TCF7L2: variants seen among roughly 807,000 people sequenced by gnomAD.
TCF7L2 encodes transcription factor 7-like 2.
A neutral mutation model predicts 77.9 loss-of-function variants in TCF7L2; 23 were observed. The ratio of observed to expected loss-of-function variants is 0.30; its 90% CI spans 0.21 to 0.42. TCF7L2 has a LOEUF of 0.42. TCF7L2 is among the 10% of genes least tolerant of loss of function. The pLI is 1.00. For missense variants in TCF7L2, 654 were observed against 793.1 expected, an observed-to-expected ratio of 0.82 and a Z score of 2.11; for synonymous variants, 413 against 340.2, an observed-to-expected ratio of 1.21 and a Z score of -2.36.
At chr10:113,009,522 A>G (rs1386865374) in intron 4 of TCF7L2, among the ~76,000 whole-genome samples, 1 of 152,192 alleles carries the variant, frequency 6.6e-6, no homozygotes, top group African/African-American at 2.4e-5. Context: ...ATTCTCAGAA[A>G]ACACAATATG....
chr10:113,116,730 C>G (rs1028388930), intron 5 of TCF7L2, among the ~76,000 whole-genome samples: 5 of 137,296 alleles, frequency 3.6e-5, no homozygotes, highest in Admixed American at 3.2e-4. Context: ...TAAAATAGAT[C>G]CATAGATAAT....
At chr10:113,131,544 A>G (rs1281447239) in intron 5 of TCF7L2, among the ~76,000 whole-genome samples, 1 of 152,210 alleles carries the variant, frequency 6.6e-6, no homozygotes, top group Admixed American at 6.5e-5. Flanking sequence ...GTTACTTAAT[A>G]GTGGTCCTGT....
intron 4 of TCF7L2, among the ~76,000 whole-genome samples, chr10:113,011,842 C>T (rs904865571): frequency 2.0e-5 from 3 of 151,086 alleles, no homozygotes; most frequent in African/African-American, 7.3e-5. Context: ...TGAGTATTAC[C>T]ACCTTGAGTT....
chr10:113,065,059 G>A lies in TCF7L2; in HGVS notation c.552+24933G>A, dbSNP rs1326603820. Among the ~76,000 whole-genome samples, 6 of 152,274 alleles carry A rather than the reference G, an allele frequency of 3.9e-5. No homozygotes were observed. The East Asian group carries it at 7.7e-4, about 20-fold the overall frequency. ...TCATCCCATTCCATAGGGAAAAAAGGGCCAGGTTCCCTGACTCCACCTGTC... is the reference window on the plus strand; with the variant it reads ...TCATCCCATTCCATAGGGAAAAAAGAGCCAGGTTCCCTGACTCCACCTGTC... On this transcript the variant is annotated intron_variant, in intron 5 of 13. Coordinates refer to ENST00000627217, the MANE Select transcript of TCF7L2 (RefSeq NM_001146274.2).
At chr10:113,129,881 C>T (rs1294550975) in intron 5 of TCF7L2, 1 of 1,290,146 alleles carries the variant, frequency 7.8e-7, no homozygotes, top group East Asian at 5.5e-5. Context: ...CCTAGGGACA[C>T]AATTTTAGTG....
At chr10:113,117,561 G>A (rs1041517185) in intron 5 of TCF7L2, among the ~76,000 whole-genome samples, 7 of 152,038 alleles carry the variant, frequency 4.6e-5, no homozygotes, top group Middle Eastern at 6.3e-3. Context: ...GCTAGGAGAA[G>A]GCAAGGTATT....
chr10:112,985,453 A>T (rs1243779696), intron 4 of TCF7L2, among the ~76,000 whole-genome samples: 3 of 151,974 alleles, frequency 2.0e-5, no homozygotes, highest in Non-Finnish European at 4.4e-5. Context: ...AAACACATAC[A>T]TTGATTTTCT....
chr10:113,165,132 C>A (rs149973845), intron 13 of TCF7L2, among the ~76,000 whole-genome samples: 2 of 152,082 alleles, frequency 1.3e-5, no homozygotes, highest in African/African-American at 2.4e-5. Flanking sequence ...AGTGAAGGGC[C>A]GAGGAAACTT....
At chr10:112,987,776 G>A in intron 4 of TCF7L2, 1 of 163,846 alleles carries the variant, frequency 6.1e-6, no homozygotes, top group Non-Finnish European at 1.3e-5. Context: ...CAGCTGGCCT[G>A]CATTGTGCTG....
chr10:113,128,589 G>A (rs2066044145), intron 5 of TCF7L2, among the ~76,000 whole-genome samples: 1 of 152,168 alleles, frequency 6.6e-6, no homozygotes, highest in Admixed American at 6.5e-5. Flanking sequence ...TGTGGCAGCA[G>A]GGGTGTTTTC....
chr10:113,073,016 A>G (rs576263788), intron 5 of TCF7L2, among the ~76,000 whole-genome samples: 1 of 151,748 alleles, frequency 6.6e-6, no homozygotes, highest in African/African-American at 2.4e-5. Flanking sequence ...TAGAGCAACT[A>G]TGCTGTTCAT....
chr10:113,165,246 C>T (rs1468259989), intron 13 of TCF7L2, among the ~76,000 whole-genome samples: 1 of 152,142 alleles, frequency 6.6e-6, no homozygotes, highest in Non-Finnish European at 1.5e-5. Context: ...TGCAGGTGGC[C>T]GCCTCCATGC....
intron 1 of TCF7L2, 85 bp downstream of exon 1, chr10:112,951,030 T>G (rs2030835935): frequency 8.9e-6 from 13 of 1,461,218 alleles, no homozygotes; most frequent in Admixed American, 5.0e-5. Context: ...AAATCGGGGC[T>G]GGGGGCGGCG....
At chr10:113,039,235 TCTCACTGAAAGCTAATTGATCGCTTTTGA>T (rs1204093684) in intron 4 of TCF7L2, among the ~76,000 whole-genome samples, 1 of 152,220 alleles carries the variant, frequency 6.6e-6, no homozygotes, top group Non-Finnish European at 1.5e-5. Flanking sequence ...ATCGTTCAAA[TCTCACTGAAAGCTAATTGATCGCTTTTGA>T]CAGAAGTAGC....
chr10:113,006,508 A>G lies in TCF7L2; in HGVS notation c.451-33517A>G, dbSNP rs376455334. 7.2e-5 allele frequency among the ~76,000 whole-genome samples: 11 copies of G among 152,234 alleles called. No homozygotes were observed. The East Asian group carries it at 7.7e-4, about 11-fold the overall frequency. On this transcript the variant is annotated intron_variant, in intron 4 of 13. Coordinates refer to ENST00000627217, the MANE Select transcript of TCF7L2 (RefSeq NM_001146274.2). ...TACAGCAAAGTGCGCAGACCTAGGT[A>G]TCTAGGACTGTGAGGTTTTCCTGTG...
At chr10:113,100,463 A>G (rs1318401150) in intron 5 of TCF7L2, among the ~76,000 whole-genome samples, 2 of 151,322 alleles carry the variant, frequency 1.3e-5, no homozygotes, top group African/African-American at 2.4e-5. Context: ...TTCTGCAAAC[A>G]CCCACGTGAG....
chr10:113,104,537 A>G lies in TCF7L2; in HGVS notation c.553-36647A>G, dbSNP rs1235721871. 2.6e-5 allele frequency among the ~76,000 whole-genome samples: 4 copies of G among 152,308 alleles called. No homozygotes were observed. In the South Asian group the frequency reaches 6.2e-4, roughly 24 times the overall value. On this transcript the variant is annotated intron_variant, in intron 5 of 13. Coordinates refer to ENST00000627217, the MANE Select transcript of TCF7L2 (RefSeq NM_001146274.2). ...CCTCTTATTTATCCTTTTCAGGGCA[A>G]TGCAGCCTGTGATTTTTTTGGTGGT...
chr10:113,099,937 G>A (rs2061446745), intron 5 of TCF7L2, among the ~76,000 whole-genome samples: 1 of 152,112 alleles, frequency 6.6e-6, no homozygotes, highest in Non-Finnish European at 1.5e-5. Flanking sequence ...TTCAGGATCA[G>A]GAAAAAGCAA....
chr10:112,966,424 C>T (rs2036921650), intron 4 of TCF7L2, among the ~76,000 whole-genome samples: 1 of 151,818 alleles, frequency 6.6e-6, no homozygotes, highest in African/African-American at 2.4e-5. Flanking sequence ...AGTCTTGCTC[C>T]CAGAAAGTGC....
Sources: allele counts gnomAD v4.1 joint callset (sites outside exome capture counted in the v4.1 genomes callset), GRCh38; gene constraint gnomAD v4.1.1; transcripts MANE v1.5; gene names NCBI Gene and HGNC (gene_info 2026-07-23, HGNC 2026-07-21).